The following LAMA3 variants were observed in gnomAD, a reference collection of about 807,000 sequenced individuals.
The protein encoded by LAMA3 is laminin subunit alpha-3.
Under a neutral mutation model 402.0 loss-of-function variants are expected in LAMA3, and 281 were observed. The observed-to-expected ratio is 0.70, with a 90% CI of 0.63 to 0.77. The LOEUF (loss-of-function observed/expected upper bound fraction) is 0.77. Ranked by LOEUF, LAMA3 falls within the 30% of genes least tolerant of loss-of-function variation. LAMA3 has a pLI of 0.00. For missense variants in LAMA3, 3,840 were observed against 4,215.5 expected (o/e 0.91, Z 2.47); for synonymous variants, 1,431 against 1,558.4 (o/e 0.92, Z 1.93).
At chr18:23,736,540 T>G (rs1216718355) in intron 2 of LAMA3, among the ~76,000 whole-genome samples, 1 of 152,040 alleles carries the variant, frequency 6.6e-6, no homozygotes, top group Non-Finnish European at 1.5e-5. Flanking sequence ...CAAACTTAAA[T>G]TGCATTTTTT....
intron 1 of LAMA3, among the ~76,000 whole-genome samples, chr18:23,704,298 C>T (rs552057141): frequency 1.1e-4 from 17 of 152,310 alleles, no homozygotes; most frequent in African/African-American, 4.1e-4. Context: ...CTGTTTCACA[C>T]CGTCCAAATC....
chr18:23,891,155 G>A (rs2080648014), intron 42 of LAMA3, among the ~76,000 whole-genome samples: 1 of 152,226 alleles, frequency 6.6e-6, no homozygotes, highest in South Asian at 2.1e-4. Context: ...CTTCTTAGGG[G>A]AAAGAGAGAT....
chr18:23,705,677 C>T (rs1478243596), intron 1 of LAMA3, among the ~76,000 whole-genome samples: 1 of 151,962 alleles, frequency 6.6e-6, no homozygotes, highest in Non-Finnish European at 1.5e-5. Context: ...GCCACCATGC[C>T]CAGCTAATTT....
intron 23 of LAMA3, among the ~76,000 whole-genome samples, chr18:23,831,069 G>A (rs2063481936): frequency 6.6e-6 from 1 of 152,006 alleles, no homozygotes; most frequent in African/African-American, 2.4e-5. Flanking sequence ...TGTACATCCC[G>A]AACTTTTCTT....
intron 2 of LAMA3, among the ~76,000 whole-genome samples, chr18:23,714,903 A>G (rs7234155): frequency 0.048 from 7,311 of 152,254 alleles, 431 homozygotes; most frequent in Admixed American, 0.17. Context: ...GGAAGCTCAT[A>G]TAAGTGGAAT....
At chr18:23,816,868 G>A (rs913064941) in intron 18 of LAMA3, among the ~76,000 whole-genome samples, 2 of 152,024 alleles carry the variant, frequency 1.3e-5, no homozygotes, top group African/African-American at 4.8e-5. Flanking sequence ...AAGAGGGGGT[G>A]GTGCCACACA....
chr18:23,862,322 T>A (rs533123095), intron 35 of LAMA3, among the ~76,000 whole-genome samples: 2 of 152,292 alleles, frequency 1.3e-5, no homozygotes, highest in East Asian at 3.9e-4. Context: ...CCACTTGCTC[T>A]TCCTTTGCTG....
intron 23 of LAMA3, among the ~76,000 whole-genome samples, chr18:23,832,381 G>A (rs1255821900): frequency 6.6e-6 from 1 of 151,648 alleles, no homozygotes; most frequent in African/African-American, 2.4e-5. Flanking sequence ...TGTCATTTAA[G>A]TGACAGAAAA....
At chr18:23,859,729 G>A (rs1376771475) in intron 34 of LAMA3, among the ~76,000 whole-genome samples, 1 of 152,156 alleles carries the variant, frequency 6.6e-6, no homozygotes. Flanking sequence ...CTACCATTTA[G>A]GGTTTTTTGT....
At chr18:23,813,790 C>T (rs1390578400) in intron 14 of LAMA3, among the ~76,000 whole-genome samples, 2 of 152,112 alleles carry the variant, frequency 1.3e-5, no homozygotes, top group African/African-American at 4.8e-5. Context: ...GATCCACCTG[C>T]CTCAGCCTCC....
At chr18:23,813,168 T>C in intron 14 of LAMA3, 65 bp downstream of exon 14, 1 of 1,087,628 alleles carries the variant, frequency 9.2e-7, no homozygotes, top group South Asian at 1.3e-5. Flanking sequence ...TATTAAGGAC[T>C]AACAGTGTGG....
rs2060538604 is a variant in LAMA3, at chr18:23,689,606, G to A, written c.-78G>A. On this transcript the variant is annotated 5_prime_UTR_variant, in exon 1 of 75. Transcript: ENST00000313654. ...GCGCTAGTCCTGGCGCTGCAGGTCCGGGAGGCGCAGGCGGAGAGCGGCGGT... is the reference window on the plus strand; with the variant it reads ...GCGCTAGTCCTGGCGCTGCAGGTCCAGGAGGCGCAGGCGGAGAGCGGCGGT... 1.7e-6 allele frequency: 2 copies of A among 1,204,308 alleles called. No homozygotes were observed. Among genetic ancestry groups the A allele is most frequent in the East Asian group, 3.3e-5 (1 of 30,184 alleles). The allele number at this position is 1,204,308 out of a possible 1,614,324, so 74.6% of individuals were successfully genotyped here. A position where few individuals can be genotyped will look rare whatever the true frequency, so the allele number is the denominator to read the frequency against.
intron 1 of LAMA3, among the ~76,000 whole-genome samples, chr18:23,690,654 A>T (rs1236025439): frequency 6.6e-6 from 1 of 152,118 alleles, no homozygotes; most frequent in Non-Finnish European, 1.5e-5. Context: ...GGTCTCAGCC[A>T]GGCAAGAGTG....
At chr18:23,805,732 C>G (rs2062950465) in intron 12 of LAMA3, among the ~76,000 whole-genome samples, 5 of 152,174 alleles carry the variant, frequency 3.3e-5, no homozygotes, top group Admixed American at 3.3e-4. Flanking sequence ...CTGATGTCCA[C>G]TAATAGAAAG....
Position 23,792,195 on chromosome 18 carries a change from G to A in LAMA3, c.1603+8038G>A, listed in dbSNP as rs141471591. Among the ~76,000 whole-genome samples the A allele has an allele frequency of 5.6e-3, 851 of 152,268 alleles. 8 individuals carry two copies. The highest frequency in any genetic ancestry group is 0.01 in the Middle Eastern group (3 of 294). On this transcript the variant is annotated intron_variant, in intron 12 of 74. Transcript: ENST00000313654. The stretch of plus-strand genomic sequence containing the variant: ...AAAACACATGAGGGACCTCTGATGT[G>A]TCTTAGTCCATTTGGTATTGCTATA...
chr18:23,945,768 C>A (rs957279913), intron 69 of LAMA3, among the ~76,000 whole-genome samples: 1 of 152,178 alleles, frequency 6.6e-6, no homozygotes, highest in African/African-American at 2.4e-5. Context: ...ACGACTCCAA[C>A]ACACCCCCGT....
chr18:23,774,873 C>T (rs2062279534), intron 9 of LAMA3, among the ~76,000 whole-genome samples: 1 of 152,212 alleles, frequency 6.6e-6, no homozygotes, highest in South Asian at 2.1e-4. Flanking sequence ...GTATGTCTAT[C>T]ACCTGTCTTG....
intron 32 of LAMA3, among the ~76,000 whole-genome samples, chr18:23,855,430 G>T (rs2064052443): frequency 6.6e-6 from 1 of 152,124 alleles, no homozygotes; most frequent in Non-Finnish European, 1.5e-5. Context: ...CTTCTTTCCG[G>T]TCTCTAGACC....
Position 23,689,793 on chromosome 18 carries a change from G to A in LAMA3, c.110G>A (p.Arg37Gln), listed in dbSNP as rs1276923266. ...RVLPACGATA[R>Q]DPGAAAGLSL... ...CTGCCAGCCTGCGGGGCGACCGCTC[G>A]GGATCCCGGGGCCGCGGCCGGGCTC... The change falls in exon 1 of 75, where the codon CGG becomes CAG. Residue 37 changes from arginine to glutamine, a missense_variant. Arg to Gln is a conservative substitution (Grantham distance 43). Transcript: ENST00000313654. 4 of 1,534,190 alleles carry A rather than the reference G, an allele frequency of 2.6e-6. No individual in the cohort carries two copies. In the African/African-American group the frequency reaches 5.7e-5, roughly 22 times the overall value.
Sources: allele counts gnomAD v4.1 joint callset (sites outside exome capture counted in the v4.1 genomes callset), GRCh38; gene constraint gnomAD v4.1.1; transcripts MANE v1.5; gene names NCBI Gene and HGNC (gene_info 2026-07-23, HGNC 2026-07-21).